Variants in ATP4B observed in about 807,000 individuals in gnomAD.
ATP4B encodes potassium-transporting ATPase subunit beta.
A neutral mutation model predicts 35.3 loss-of-function variants in ATP4B; 27 were observed. That is an observed-to-expected ratio of 0.76 (90% confidence interval 0.56 to 1.05). The LOEUF (loss-of-function observed/expected upper bound fraction) is 1.05, where lower values mean the gene tolerates loss of function less well. ATP4B is among the 50% of genes least tolerant of loss of function. The probability of loss-of-function intolerance (pLI) is 0.00; values close to 1 mark genes in which losing one functional copy is unlikely to be tolerated. For missense variants in ATP4B, 375 were observed against 384.8 expected, an observed-to-expected ratio of 0.97 and a Z score of 0.21; for synonymous variants, 162 against 156.0, an observed-to-expected ratio of 1.04 and a Z score of -0.29.
Position 113,653,309 on chromosome 13 carries a change from T to C in ATP4B, c.355+12A>G. ...CGCCGCTTCACACCTCACCTGCCGT[T>C]TCACACCTCACCTGCTAGGAAGGCG... On this transcript the variant is annotated intron_variant, in intron 3 of 6. Transcript: ENST00000335288. 1 of 1,609,248 alleles carries C rather than the reference T, an allele frequency of 6.2e-7. No individual in the cohort carries two copies. Among genetic ancestry groups the C allele is most frequent in the East Asian group, 2.2e-5 (1 of 44,446 alleles).
intron 2 of ATP4B, among the ~76,000 whole-genome samples, chr13:113,653,652 C>T (rs896083205): frequency 1.2e-4 from 19 of 152,192 alleles, no homozygotes; most frequent in Non-Finnish European, 2.4e-4. Context: ...TGGAACCTGG[C>T]TGGCTGCCAT....
At chr13:113,652,676 G>A (rs1225852398) in intron 4 of ATP4B, 197 bp downstream of exon 4, 26 of 694,550 alleles carry the variant, frequency 3.7e-5, no homozygotes, top group Middle Eastern at 4.9e-4. Context: ...GGTGTCTGAC[G>A]AGTGGTTTCA....
At position 113,649,962 on chromosome 13, in the gene ATP4B, A is replaced by G. The variant is rs767344957; in HGVS notation, c.715-427T>C. Among the ~76,000 whole-genome samples, 1 of 152,104 alleles carries G rather than the reference A, an allele frequency of 6.6e-6. No homozygotes were observed. The highest frequency in any genetic ancestry group is 2.4e-5 in the African/African-American group (1 of 41,400). ...CTGATTGCTTCAGCCCAGGAGTTCAAGACCACCCTGGGCAACATACTGAGA... is the reference window on the plus strand; with the variant it reads ...CTGATTGCTTCAGCCCAGGAGTTCAGGACCACCCTGGGCAACATACTGAGA... On this transcript the variant is annotated intron_variant, in intron 6 of 6. Transcript: ENST00000335288. The surrounding 1 kb of genome is among the most constrained non-coding windows in gnomAD (Gnocchi z 4.7).
At chr13:113,653,141 C>G in intron 3 of ATP4B, 69 bp from the exon 4 acceptor site, 4 of 1,537,432 alleles carry the variant, frequency 2.6e-6, no homozygotes, top group Non-Finnish European at 3.5e-6. Context: ...CCCGGGAAGG[C>G]CTTGCAAGCC....
Position 113,649,062 on chromosome 13 carries a change from A to T in ATP4B, c.*312T>A. On this transcript the variant is annotated 3_prime_UTR_variant, in exon 7 of 7. Transcript: ENST00000335288. The surrounding 1 kb of genome is among the most constrained non-coding windows in gnomAD (Gnocchi z 4.7). Reference sequence around the variant, plus strand: ...AAATTATAGTAAGAAAGTGATGTCTACATAGAAGACGAATCGTTTTTATGA... The same window carrying T: ...AAATTATAGTAAGAAAGTGATGTCTTCATAGAAGACGAATCGTTTTTATGA... 1 of 233,350 alleles carries T rather than the reference A, an allele frequency of 4.3e-6. No individual in the cohort carries two copies. Among genetic ancestry groups the T allele is most frequent in the South Asian group, 6.0e-5 (1 of 16,782 alleles). The allele number at this position is 233,350 out of a possible 1,614,324, so 14.5% of individuals were successfully genotyped here. A position where few individuals can be genotyped will look rare whatever the true frequency, so the allele number is the denominator to read the frequency against.
chr13:113,652,939 T>C lies in ATP4B; in HGVS notation c.489A>G (p.Ser163=), dbSNP rs2049723570. 1.6e-5 allele frequency: 26 copies of C among 1,614,254 alleles called. No homozygotes were observed. Among genetic ancestry groups the C allele is most frequent in the Non-Finnish European group, 2.1e-5 (25 of 1,180,048 alleles). Residue 163 remains serine, a synonymous_variant, in exon 4 of 7, where the codon TCA becomes TCG. Transcript: ENST00000335288. ...AGCCGAAGTTGGGATCCGCCAGGCC[T>C]GAGCAGTTCTGCAGCATATCTGCCG... ...KFTADMLQNC[S]GLADPNFGFE... is the part of the protein sequence containing the mutation.
chr13:113,657,483 C>T (rs973237417), intron 1 of ATP4B, among the ~76,000 whole-genome samples: 8 of 152,338 alleles, frequency 5.3e-5, no homozygotes, highest in African/African-American at 9.6e-5. Flanking sequence ...CCAGGCTGCC[C>T]GCGCCTCTGT....
Position 113,654,819 on chromosome 13 carries a change from G to A in ATP4B, c.236C>T (p.Ser79Leu). The A allele has an allele frequency of 6.2e-7, 1 of 1,613,916 alleles. No individual in the cohort carries two copies. The highest frequency in any genetic ancestry group is 8.5e-7 in the Non-Finnish European group (1 of 1,179,892). ...GCAACATCCCGGGCGCTTACCTGGT[G>A]ACCGTAGCTGGTCTTGGTAGTCCGG... ...YTPDYQDQLR[S>L]PGVTLRPDVY... is the part of the protein sequence containing the mutation. The change falls in exon 2 of 7, where the codon TCA becomes TTA. Residue 79 changes from serine (S) to leucine (L), a missense_variant. By Grantham distance (145) the Ser-to-Leu change is moderately radical (BLOSUM62 -2). Transcript: ENST00000335288.
Position 113,654,834 on chromosome 13 carries a change from T to C in ATP4B, c.221A>G (p.Gln74Arg), listed in dbSNP as rs1164551741. 6.2e-7 allele frequency: 1 copy of C among 1,614,122 alleles called. No homozygotes were observed. The highest frequency in any genetic ancestry group is 2.2e-5 in the East Asian group (1 of 44,872). The change falls in exon 2 of 7, where the codon CAA becomes CGA. Residue 74 changes from glutamine to arginine, a missense_variant. Transcript: ENST00000335288. ...QTVDPYTPDY[Q>R]DQLRSPGVTL... ...CTTACCTGGTGACCGTAGCTGGTCT[T>C]GGTAGTCCGGTGTGTACGGGTCCAC...
chr13:113,651,587 G>A, intron 5 of ATP4B, 84 bp downstream of exon 5: 4 of 1,394,402 alleles, frequency 2.9e-6, no homozygotes, highest in Non-Finnish European at 3.8e-6. Context: ...AGAGAACCAG[G>A]TGGGCCGTGC....
chr13:113,649,408 C>T lies in ATP4B; in HGVS notation c.842G>A (p.Gly281Glu), dbSNP rs1447200796. 6.3e-7 allele frequency: 1 copy of T among 1,593,588 alleles called. No homozygotes were observed. The highest frequency in any genetic ancestry group is 1.1e-5 in the South Asian group (1 of 88,174). ...TFNNPHDPYE[G>E]KVEFKLKIEK ...AATCTTGAGTTTGAACTCCACTTTC[C>T]CTTCATACGGGTCGTGGGGATTGTT... Residue 281 changes from glycine to glutamate, a missense_variant, in exon 7 of 7, where the codon GGG (glycine) becomes GAG (glutamate). Gly to Glu is a moderately conservative substitution (Grantham distance 98). Transcript: ENST00000335288. This position sits in a 1 kb window ranked among gnomAD's most constrained non-coding sequence, Gnocchi z 4.7.
intron 1 of ATP4B, 81 bp downstream of exon 1, chr13:113,657,952 C>A: frequency 2.5e-6 from 3 of 1,209,546 alleles, no homozygotes; most frequent in Non-Finnish European, 3.5e-6. Context: ...CCTCTGCTCC[C>A]CTCCTCCTGA....
intron 1 of ATP4B, among the ~76,000 whole-genome samples, chr13:113,657,709 T>G (rs1292400517): frequency 6.6e-6 from 1 of 152,262 alleles, no homozygotes; most frequent in East Asian, 1.9e-4. Context: ...TCACGTTATT[T>G]TCAAAATGAT....
intron 2 of ATP4B, among the ~76,000 whole-genome samples, chr13:113,654,392 T>G (rs2049737264): frequency 6.6e-6 from 1 of 152,208 alleles, no homozygotes; most frequent in South Asian, 2.1e-4. Flanking sequence ...GGCTCTTTTC[T>G]GCTGGTCTCC....
chr13:113,651,678 GC>G lies in ATP4B; in HGVS notation c.604del (p.Ala202ProfsTer69), dbSNP rs764007657. 2.5e-6 allele frequency: 4 copies of G among 1,613,176 alleles called. No homozygotes were observed. In the African/African-American group the frequency reaches 5.3e-5, roughly 22 times the overall value. On this transcript the variant is annotated frameshift_variant, in exon 5 of 7. Transcript: ENST00000335288. LOFTEE classifies it high-confidence loss of function. ...CCGCGCGGCCGTACTCACCAGGAAG[GC>G]GCAGTCCACTCTGGGGGCCGAGCCG... ...SNGSAPRVDC[A>X]FLDQPRELGQ...
Position 113,649,473 on chromosome 13 carries a change from G to T in ATP4B, c.777C>A (p.Val259=). 6.4e-7 allele frequency: 1 copy of T among 1,560,248 alleles called. No individual in the cohort carries two copies. Among genetic ancestry groups the T allele is most frequent in the East Asian group, 2.4e-5 (1 of 41,940 alleles). Residue 259 remains valine (V), a synonymous_variant, in exon 7 of 7, where the codon GTC becomes GTA. Coordinates refer to ENST00000335288, the MANE Select transcript of ATP4B (RefSeq NM_000705.4). This position sits in a 1 kb window ranked among gnomAD's most constrained non-coding sequence, Gnocchi z 4.7. The stretch of plus-strand genomic sequence containing the variant: ...CCGCCATGACCTTGCACACGATGGC[G>T]ACCTCAGCGTTCCTGGGGATGTTGA... ...KLLNIPRNAE[V]AIVCKVMAEH... is the part of the protein sequence containing the mutation.
At position 113,650,583 on chromosome 13, in the gene ATP4B, G is replaced by A. The variant is rs1024677247; in HGVS notation, c.613-76C>T. On this transcript the variant is annotated intron_variant, in intron 5 of 6. Transcript: ENST00000335288. The surrounding 1 kb of genome is among the most constrained non-coding windows in gnomAD (Gnocchi z 5.0). ...GTGTCTGTGTGTTGCGTTTGTGTGCGTGTGTGCACACACGCGCTGTGTAGG... is the reference window on the plus strand; with the variant it reads ...GTGTCTGTGTGTTGCGTTTGTGTGCATGTGTGCACACACGCGCTGTGTAGG... The A allele has an allele frequency of 3.9e-5, 46 of 1,168,166 alleles. No individual in the cohort carries two copies. The highest frequency in any genetic ancestry group is 2.3e-4 in the Middle Eastern group (1 of 4,322). The allele number at this position is 1,168,166 out of a possible 1,614,324, so 72.4% of individuals were successfully genotyped here.
intron 1 of ATP4B, among the ~76,000 whole-genome samples, chr13:113,655,589 T>C (rs1387520016): frequency 1.3e-5 from 2 of 152,210 alleles, no homozygotes; most frequent in African/African-American, 2.4e-5. Context: ...CCCGTGGCCA[T>C]GGGCGGCTCC....
intron 5 of ATP4B, 87 bp downstream of exon 5, chr13:113,651,584 C>A (rs2049712276): frequency 1.4e-6 from 2 of 1,381,654 alleles, no homozygotes; most frequent in Non-Finnish European, 1.9e-6. Context: ...TGGAGAGAAC[C>A]AGGTGGGCCG....
Sources: gnomAD v4.1 joint callset for allele counts (sites outside exome capture counted in the v4.1 genomes callset) on GRCh38, gnomAD v4.1.1 for gene constraint, Gnocchi (gnomAD v3.1) non-coding constraint, MANE v1.5 for transcripts, NCBI Gene and HGNC (gene_info 2026-07-23, HGNC 2026-07-21) for gene names.